The following PLA2G6 variants were observed in gnomAD, a reference collection of about 807,000 sequenced individuals.
PLA2G6 encodes 85/88 kDa calcium-independent phospholipase A2.
In PLA2G6, 62 loss-of-function variants were observed where a neutral mutation model predicts 83.8. That is an observed-to-expected ratio of 0.74 (90% confidence interval 0.60 to 0.91). The LOEUF (loss-of-function observed/expected upper bound fraction) is 0.91. PLA2G6 is among the 40% of genes least tolerant of loss of function. PLA2G6 has a pLI of 0.00. For synonymous variants in PLA2G6, 417 were observed against 449.8 expected (o/e 0.93, Z 0.92); for missense variants, 944 against 1,102.0 (o/e 0.86, Z 2.03).
intron 2 of PLA2G6, chr22:38,148,447 A>G (rs2089387720): frequency 1.4e-6 from 1 of 711,698 alleles, no homozygotes; most frequent in Admixed American, 2.0e-5. Context: ...ATTAAAAAAC[A>G]TCTGCTGGCA....
In PLA2G6 at chr22:38,152,570, C is replaced by A. The variant is rs187921782; in HGVS notation, c.210-6917G>T. On this transcript the variant is annotated intron_variant, in intron 2 of 16. Transcript: ENST00000332509. ...TTTCTCTTCCTCACTTCCTTTCTTG[C>A]CATGTGACACTGGTAAGATGCTGGC... Among the ~76,000 whole-genome samples, 76 of 151,220 alleles carry A rather than the reference C, an allele frequency of 5.0e-4. 1 individual carries two copies. Among genetic ancestry groups the A allele is most frequent in the African/African-American group, 1.7e-3 (71 of 41,194 alleles).
chr22:38,115,715 C>A (rs1455053936), intron 13 of PLA2G6, 34 bp from the exon 14 acceptor site: 9 of 1,574,784 alleles, frequency 5.7e-6, no homozygotes, highest in Non-Finnish European at 7.7e-6. Context: ...CCCAGTGGCA[C>A]AAGGGACTGG....
intron 6 of PLA2G6, 31 bp downstream of exon 6, chr22:38,134,957 G>GCCCCC: frequency 1.1e-5 from 11 of 995,330 alleles, no homozygotes; most frequent in East Asian, 2.4e-5. Context: ...CCGGCCCCCT[G>GCCCCC]CCCCACCCAC....
At chr22:38,131,865 G>C (rs1235761212) in intron 7 of PLA2G6, 1 of 303,266 alleles carries the variant, frequency 3.3e-6, no homozygotes, top group African/African-American at 2.3e-5. Flanking sequence ...AAGGCGGGTG[G>C]ATCATGAGGT....
At chr22:38,129,025 G>C (rs575302762) in intron 8 of PLA2G6, among the ~76,000 whole-genome samples, 1 of 152,376 alleles carries the variant, frequency 6.6e-6, no homozygotes, top group South Asian at 2.1e-4. Flanking sequence ...CACTGTGCGA[G>C]CGTGCAGCAC....
At chr22:38,170,819 G>A (rs539214230) in intron 1 of PLA2G6, among the ~76,000 whole-genome samples, 78 of 152,220 alleles carry the variant, frequency 5.1e-4, no homozygotes, top group South Asian at 1.5e-3. Context: ...GGGACAGAAG[G>A]AAGACAAAAG....
chr22:38,133,018 G>A lies in PLA2G6; in HGVS notation c.895-5C>T, dbSNP rs372128546. 3.5e-5 allele frequency: 55 copies of A among 1,558,806 alleles called. No homozygotes were observed. The highest frequency in any genetic ancestry group is 3.2e-4 in the Admixed American group (17 of 52,392). On this transcript the variant is annotated splice_polypyrimidine_tract_variant and splice_region_variant and intron_variant, in intron 6 of 16. Coordinates refer to ENST00000332509, the MANE Select transcript of PLA2G6 (RefSeq NM_003560.4). ...TTTCAGCAGCATGCGGGCCATCTGC[G>A]GGAGACGGTCAGGCTGAGTTAGCAC...
chr22:38,130,519 A>G (rs2088145768), intron 7 of PLA2G6: 1 of 151,600 alleles, frequency 6.6e-6, no homozygotes, highest in Non-Finnish European at 1.5e-5. Flanking sequence ...GGGTTTCACC[A>G]TGTTGGCCAG....
intron 15 of PLA2G6, 25 bp from the exon 16 acceptor site, chr22:38,112,602 TGCCGGGCCCACACCCC>T: frequency 6.5e-7 from 1 of 1,542,138 alleles, no homozygotes; most frequent in Non-Finnish European, 8.8e-7. Context: ...CCTTGGTGAG[TGCCGGGCCCACACCCC>T]GCCCGGCCCG....
At chr22:38,152,357 T>G (rs1190499899) in intron 2 of PLA2G6, among the ~76,000 whole-genome samples, 2 of 152,078 alleles carry the variant, frequency 1.3e-5, no homozygotes, top group African/African-American at 2.4e-5. Flanking sequence ...TGCACCACCA[T>G]GCCCAGCTAA....
intron 10 of PLA2G6, chr22:38,125,526 G>A (rs952251422): frequency 2.1e-4 from 75 of 353,214 alleles, no homozygotes; most frequent in Admixed American, 5.2e-4. Context: ...AGCTTTCCCT[G>A]CAGAGGGCTG....
intron 2 of PLA2G6, chr22:38,148,803 A>G: frequency 2.3e-6 from 1 of 431,294 alleles, no homozygotes. Context: ...CAATGGGAGA[A>G]GCAAAAATAA....
In PLA2G6 at chr22:38,112,034, C is replaced by A; in HGVS notation, c.*127G>T. The A allele has an allele frequency of 8.7e-7, 1 of 1,151,460 alleles. No individual in the cohort carries two copies. The highest frequency in any genetic ancestry group is 1.3e-5 in the South Asian group (1 of 75,204). 71.3% of individuals were successfully genotyped at this position (1,151,460 alleles called of 1,614,324 possible). A position where few individuals can be genotyped will look rare whatever the true frequency, so the allele number is the denominator to read the frequency against. On this transcript the variant is annotated 3_prime_UTR_variant, in exon 17 of 17. Coordinates refer to ENST00000332509, the MANE Select transcript of PLA2G6 (RefSeq NM_003560.4). ...CCTCGGGCAGGCAGCTTGGCATTCTCCCAGGCCTGGTCTATGGACTCAGAG... is the reference window on the plus strand; with the variant it reads ...CCTCGGGCAGGCAGCTTGGCATTCTACCAGGCCTGGTCTATGGACTCAGAG...
At chr22:38,162,285 G>A (rs1282108030) in intron 2 of PLA2G6, among the ~76,000 whole-genome samples, 1 of 152,038 alleles carries the variant, frequency 6.6e-6, no homozygotes, top group African/African-American at 2.4e-5. Flanking sequence ...TAGCCATGGT[G>A]GAGAACTGAA....
At position 38,128,371 on chromosome 22, in the gene PLA2G6, G is replaced by A; in HGVS notation, c.1246C>T (p.Pro416Ser). The A allele has an allele frequency of 6.2e-7, 1 of 1,613,924 alleles. No individual in the cohort carries two copies. Among genetic ancestry groups the A allele is most frequent in the Admixed American group, 1.7e-5 (1 of 60,018 alleles). Residue 416 changes from proline (P) to serine (S), a missense_variant, in exon 9 of 17, where the codon CCA (proline) becomes TCA (serine). Transcript: ENST00000332509. The surrounding 1 kb of genome is among the most constrained non-coding windows in gnomAD (Gnocchi z 4.4). ...TCCGCGGGGACCCCGTGGATGGGTG[G>A]GAAGCAGTATTCGGCCCCCACGGTT... ...LRTVGAEYCF[P>S]PIHGVPAEQG... is the part of the protein sequence containing the mutation.
At chr22:38,125,210 ACG>A (rs1237788098) in intron 10 of PLA2G6, among the ~76,000 whole-genome samples, 4 of 151,986 alleles carry the variant, frequency 2.6e-5, no homozygotes, top group African/African-American at 9.7e-5. Context: ...GTGTGCATGC[ACG>A]TGTGTTTGCA....
intron 10 of PLA2G6, among the ~76,000 whole-genome samples, chr22:38,125,069 C>A (rs540377707): frequency 2.0e-5 from 3 of 152,294 alleles, no homozygotes; most frequent in East Asian, 3.9e-4. Flanking sequence ...TGGGTCCCCC[C>A]TTCAGGTGCA....
intron 11 of PLA2G6, 114 bp from the exon 12 acceptor site, chr22:38,121,023 G>C (rs369917425): frequency 6.9e-6 from 9 of 1,308,024 alleles, no homozygotes; most frequent in Non-Finnish European, 7.5e-6. Flanking sequence ...CGGGTTTACC[G>C]AGGCCTAAGC....
chr22:38,112,613 C>G (rs1249135215), intron 15 of PLA2G6, 36 bp from the exon 16 acceptor site: 1 of 1,519,772 alleles, frequency 6.6e-7, no homozygotes, highest in Admixed American at 2.0e-5. Flanking sequence ...GCCGGGCCCA[C>G]ACCCCGCCCG....
Sources: allele counts gnomAD v4.1 joint callset (sites outside exome capture counted in the v4.1 genomes callset), GRCh38; gene constraint gnomAD v4.1.1; non-coding constraint Gnocchi (gnomAD v3.1); transcripts MANE v1.5; gene names NCBI Gene and HGNC (gene_info 2026-07-23, HGNC 2026-07-21).